Variants in TRANK1 observed in about 807,000 individuals in gnomAD.
TRANK1 encodes the protein TPR and ankyrin repeat-containing protein 1.
A neutral mutation model predicts 266.0 loss-of-function variants in TRANK1; 198 were observed. That is an observed-to-expected ratio of 0.74 (90% confidence interval 0.66 to 0.84). TRANK1 has a LOEUF of 0.84. Among genes scored for constraint, TRANK1 ranks in the 40% least tolerant of loss-of-function variants. TRANK1 has a pLI of 0.00. For missense variants in TRANK1, 3,326 were observed against 3,634.6 expected (o/e 0.92, Z 2.18); for synonymous variants, 1,396 against 1,384.1 (o/e 1.01, Z -0.19).
rs2079076890 is a variant in TRANK1, at chr3:36,857,642, C to A, written c.2080G>T (p.Ala694Ser). The A allele has an allele frequency of 1.9e-6, 3 of 1,613,896 alleles. No individual in the cohort carries two copies. The highest frequency in any genetic ancestry group is 2.5e-6 in the Non-Finnish European group (3 of 1,179,896). The change falls in exon 13 of 24, where the codon GCC (alanine) becomes TCC (serine). Residue 694 changes from alanine (A) to serine (S), a missense_variant. Transcript: ENST00000645898. This position sits in a 1 kb window ranked among gnomAD's most constrained non-coding sequence, Gnocchi z 4.3. ...SFKSVPCGAT[A>S]RTLPEGSAVP... ...GCACTTCCTTCAGGCAGTGTTCTGG[C>A]AGTGGCACCACATGGCACTGACTTG...
chr3:36,944,995 A>G lies in TRANK1; in HGVS notation c.-186T>C, dbSNP rs114175299. 24,513 of 507,374 alleles carry G rather than the reference A, an allele frequency of 0.048. 977 individuals are homozygous for G. Among genetic ancestry groups the G allele is most frequent in the African/African-American group, 0.15 (7,145 of 49,266 alleles). 31.4% of individuals were successfully genotyped at this position (507,374 alleles called of 1,614,324 possible). On this transcript the variant is annotated 5_prime_UTR_variant, in exon 1 of 24. Coordinates refer to ENST00000645898, the MANE Select transcript of TRANK1 (RefSeq NM_001329998.2). ...GGCTCGGCTACCCAGCCGCGATCAG[A>G]GGGGGCGGGGGACGCAGGAACCCCG... is the stretch of plus-strand genomic sequence containing the variant.
At chr3:36,895,948 AAATC>A (rs1344280528) in intron 4 of TRANK1, among the ~76,000 whole-genome samples, 190 bp from the exon 5 acceptor site, 21 of 152,218 alleles carry the variant, frequency 1.4e-4, no homozygotes, top group Admixed American at 1.4e-3. Context: ...GTTCATCATA[AAATC>A]AATCCCCTAA....
chr3:36,918,864 A>G (rs2080175867), intron 1 of TRANK1, among the ~76,000 whole-genome samples: 1 of 152,174 alleles, frequency 6.6e-6, no homozygotes, highest in Non-Finnish European at 1.5e-5. Context: ...AGGAAAGTAA[A>G]AGCAGCCAAG....
chr3:36,829,524 A>G, intron 23 of TRANK1, 40 bp downstream of exon 23: 1 of 1,601,354 alleles, frequency 6.2e-7, no homozygotes, highest in Non-Finnish European at 8.6e-7. Context: ...GAACCACAGG[A>G]CCCAAAGTGT....
chr3:36,832,916 G>A lies in TRANK1; in HGVS notation c.6667C>T (p.Gln2223Ter). 1.2e-6 allele frequency: 2 copies of A among 1,613,488 alleles called. No individual in the cohort carries two copies. Among genetic ancestry groups the A allele is most frequent in the Non-Finnish European group, 1.7e-6 (2 of 1,179,630 alleles). The change falls in exon 22 of 24, where the codon CAG becomes TAG. Residue 2223 changes from glutamine (Q) to a stop codon, truncating the protein, a stop_gained. Transcript: ENST00000645898. LOFTEE classifies it high-confidence loss of function. ...LRRCEAKCLV[Q>*]SKMNLVAING... ...ATTGCCACCAAGTTCATTTTCGACTGAACTAAACACTTGGCTTCACAACGC... is the reference window on the plus strand; with the variant it reads ...ATTGCCACCAAGTTCATTTTCGACTAAACTAAACACTTGGCTTCACAACGC...
In TRANK1 at chr3:36,860,958, G is replaced by A. The variant is rs1267513229; in HGVS notation, c.1443C>T (p.Ser481=). 1.3e-6 allele frequency: 2 copies of A among 1,537,664 alleles called. No individual in the cohort carries two copies. Among genetic ancestry groups the A allele is most frequent in the South Asian group, 2.4e-5 (2 of 84,066 alleles). Reference sequence around the variant, plus strand: ...GCTGTTTCTTCCGCTGGTCCCAGGTGCTGAGATGGGGGATGATGGTACAGA... The same window carrying A: ...GCTGTTTCTTCCGCTGGTCCCAGGTACTGAGATGGGGGATGATGGTACAGA... The part of the protein sequence containing the change: ...LDICTIIPHL[S]TWDQRKKQLL... Residue 481 remains serine, a synonymous_variant, in exon 11 of 24, where the codon AGC becomes AGT. Transcript: ENST00000645898.
upstream of TRANK1, chr3:36,945,161 C>T (rs565301799): frequency 4.7e-4 from 136 of 289,332 alleles, no homozygotes; most frequent in Middle Eastern, 9.5e-4. Flanking sequence ...CGGTGTCTCC[C>T]GTCATGCAAG....
intron 8 of TRANK1, among the ~76,000 whole-genome samples, chr3:36,888,784 A>T (rs773812550): frequency 3.9e-5 from 6 of 152,202 alleles, no homozygotes; most frequent in Non-Finnish European, 8.8e-5. Context: ...CTGGCCAGGC[A>T]TGGTAGCTCA....
chr3:36,863,225 G>C (rs2079168914), intron 10 of TRANK1, among the ~76,000 whole-genome samples: 1 of 152,254 alleles, frequency 6.6e-6, no homozygotes, highest in African/African-American at 2.4e-5. Context: ...GGAGGCACAG[G>C]AACACAGGCC....
At chr3:36,907,818 T>C (rs538639364) in intron 2 of TRANK1, among the ~76,000 whole-genome samples, 2 of 152,308 alleles carry the variant, frequency 1.3e-5, no homozygotes, top group South Asian at 4.1e-4. Context: ...AGTTCTACCA[T>C]ACTGTATTGA....
In TRANK1 at chr3:36,838,366, C is replaced by A. The variant is rs375736284; in HGVS notation, c.5517+6G>T. 1.2e-6 allele frequency: 2 copies of A among 1,613,830 alleles called. No individual in the cohort carries two copies. The highest frequency in any genetic ancestry group is 1.7e-6 in the Non-Finnish European group (2 of 1,179,800). Reference sequence around the variant, plus strand: ...CCCTGGAGCAGCAGCGGACTAGGAGCCATACCTTTCCCAGCCTCTCGCACA... The same window carrying A: ...CCCTGGAGCAGCAGCGGACTAGGAGACATACCTTTCCCAGCCTCTCGCACA... On this transcript the variant is annotated splice_donor_region_variant and intron_variant, in intron 20 of 23. Transcript: ENST00000645898.
At chr3:36,881,068 A>G (rs918334854) in intron 8 of TRANK1, among the ~76,000 whole-genome samples, 12 of 151,688 alleles carry the variant, frequency 7.9e-5, no homozygotes, top group African/African-American at 2.7e-4. Context: ...ACTTTTTTTT[A>G]TCAAAAACAT....
rs957598814 is a variant in TRANK1 at position 36,847,189 on chromosome 3, C to A, written c.5034+11G>T. The A allele has an allele frequency of 6.2e-6, 10 of 1,609,318 alleles. No individual in the cohort carries two copies. Among genetic ancestry groups the A allele is most frequent in the Non-Finnish European group, 8.5e-6 (10 of 1,177,002 alleles). On this transcript the variant is annotated intron_variant, in intron 16 of 23. Transcript: ENST00000645898. ...GTCAAGTACATGTGTTGACAAATGGCAGAAATTCACCTTGTACATTTCTGG... is the reference window on the plus strand; with the variant it reads ...GTCAAGTACATGTGTTGACAAATGGAAGAAATTCACCTTGTACATTTCTGG...
chr3:36,945,278 A>T (rs1283924848), upstream of TRANK1, among the ~76,000 whole-genome samples: 1 of 152,190 alleles, frequency 6.6e-6, no homozygotes, highest in African/African-American at 2.4e-5. Flanking sequence ...GCATGCGAGA[A>T]TTCGGCTTTC....
At chr3:36,916,967 C>T (rs2080135352) in intron 1 of TRANK1, among the ~76,000 whole-genome samples, 1 of 151,996 alleles carries the variant, frequency 6.6e-6, no homozygotes. Context: ...AGATGTACAC[C>T]ACCACGCCTG....
At chr3:36,921,574 G>T (rs573693912) in intron 1 of TRANK1, among the ~76,000 whole-genome samples, 139 of 152,204 alleles carry the variant, frequency 9.1e-4, no homozygotes, top group Non-Finnish European at 9.1e-4. Context: ...ATAACTCCAG[G>T]CATCACATTA....
chr3:36,913,555 G>A (rs568501375), intron 1 of TRANK1, among the ~76,000 whole-genome samples: 13 of 150,404 alleles, frequency 8.6e-5, no homozygotes, highest in South Asian at 2.1e-4. Context: ...CCTCTTCCCC[G>A]CAGGAAGGGT....
intron 8 of TRANK1, among the ~76,000 whole-genome samples, chr3:36,886,135 T>G (rs1457999950): frequency 2.3e-5 from 3 of 130,328 alleles, no homozygotes; most frequent in East Asian, 2.0e-4. Flanking sequence ...TGTTGTTTTT[T>G]TTTTTTTTTT....
At chr3:36,895,501 C>T (rs1385420150) in intron 5 of TRANK1, 139 bp downstream of exon 5, 1 of 546,254 alleles carries the variant, frequency 1.8e-6, no homozygotes, top group Admixed American at 3.7e-5. Flanking sequence ...GACTTTTCAT[C>T]TTTAATGATA....
Sources: gnomAD v4.1 joint callset for allele counts (sites outside exome capture counted in the v4.1 genomes callset) on GRCh38, gnomAD v4.1.1 for gene constraint, Gnocchi (gnomAD v3.1) non-coding constraint, MANE v1.5 for transcripts, NCBI Gene and HGNC (gene_info 2026-07-23, HGNC 2026-07-21) for gene names.